The following HTT variants were observed in gnomAD, a reference collection of about 807,000 sequenced individuals.
HTT encodes huntingtin.
In HTT, 104 loss-of-function variants were observed where a neutral mutation model predicts 362.3. That is an observed-to-expected ratio of 0.29 (90% CI 0.24 to 0.34). The LOEUF (loss-of-function observed/expected upper bound fraction) is 0.34, where lower values mean the gene tolerates loss of function less well. Ranked by LOEUF, HTT falls within the 10% of genes least tolerant of loss-of-function variation. The probability of loss-of-function intolerance (pLI) is 1.00; values close to 1 mark genes in which losing one functional copy is unlikely to be tolerated. For synonymous variants in HTT, 1,577 were observed against 1,548.7 expected, an observed-to-expected ratio of 1.02 and a Z score of -0.43; for missense variants, 3,301 against 3,928.6, an observed-to-expected ratio of 0.84 and a Z score of 4.27.
At chr4:3,156,210 C>G (rs1717137712) in intron 27 of HTT, among the ~76,000 whole-genome samples, 1 of 152,124 alleles carries the variant, frequency 6.6e-6, no homozygotes, top group African/African-American at 2.4e-5. Context: ...ACCTCCGCCT[C>G]CCAGGTTCAA....
chr4:3,130,311 A>G lies in HTT; in HGVS notation c.1874A>G (p.Gln625Arg), dbSNP rs151106561. The G allele has an allele frequency of 5.7e-3, 8,968 of 1,571,242 alleles. 41 individuals are homozygous for G. The highest frequency in any genetic ancestry group is 8.0e-3 in the Middle Eastern group (47 of 5,894). ...GATTTCTCTGTTTTTAAAGCCCTTCAACAGGCACATTTATTGAAAAACATG... is the reference window on the plus strand; with the variant it reads ...GATTTCTCTGTTTTTAAAGCCCTTCGACAGGCACATTTATTGAAAAACATG... The part of the protein sequence containing the change: ...EAFRNSSMAL[Q>R]QAHLLKNMSH... Residue 625 changes from glutamine (Q) to arginine (R), a missense_variant, in exon 14 of 67, where the codon CAA becomes CGA. By Grantham distance (43) the Gln-to-Arg change is conservative (BLOSUM62 1). Transcript: ENST00000355072.
chr4:3,207,208 CT>C, intron 44 of HTT, 72 bp from the exon 45 acceptor site: 1 of 1,364,066 alleles, frequency 7.3e-7, no homozygotes, highest in South Asian at 1.2e-5. Flanking sequence ...TCAGTTCATC[CT>C]TTTTAAATGA....
chr4:3,152,500 C>A (rs1240791480), intron 26 of HTT, among the ~76,000 whole-genome samples: 1 of 152,188 alleles, frequency 6.6e-6, no homozygotes, highest in Non-Finnish European at 1.5e-5. Flanking sequence ...TCACCAGAAT[C>A]AGTTTTAGAA....
At chr4:3,152,243 C>T (rs981203758) in intron 26 of HTT, among the ~76,000 whole-genome samples, 3 of 151,868 alleles carry the variant, frequency 2.0e-5, no homozygotes, top group African/African-American at 4.8e-5. Context: ...GGATTACAGG[C>T]GCCTGCCACC....
chr4:3,231,429 C>T (rs1364900709), intron 60 of HTT, among the ~76,000 whole-genome samples: 1 of 152,190 alleles, frequency 6.6e-6, no homozygotes, highest in Non-Finnish European at 1.5e-5. Flanking sequence ...ACCTTGGCCC[C>T]ACCCTAGGCG....
At chr4:3,239,290 C>T (rs1308947967) in intron 66 of HTT, among the ~76,000 whole-genome samples, 2 of 152,178 alleles carry the variant, frequency 1.3e-5, no homozygotes, top group South Asian at 2.1e-4. Flanking sequence ...CGCCCACTCG[C>T]GGGCTCTGTG....
At chr4:3,169,407 C>T (rs1162835066) in intron 29 of HTT, among the ~76,000 whole-genome samples, 1 of 152,088 alleles carries the variant, frequency 6.6e-6, no homozygotes, top group African/African-American at 2.4e-5. Flanking sequence ...TGAATGATTG[C>T]TTAGTGTTGT....
chr4:3,084,177 C>G (rs1388760557), intron 1 of HTT, among the ~76,000 whole-genome samples: 1 of 144,648 alleles, frequency 6.9e-6, no homozygotes, highest in Non-Finnish European at 1.5e-5. Context: ...CAGGGGAATA[C>G]TTGTAATGGA....
chr4:3,208,672 A>T, intron 45 of HTT, 101 bp from the exon 46 acceptor site: 4 of 1,141,930 alleles, frequency 3.5e-6, no homozygotes, highest in Non-Finnish European at 4.8e-6. Flanking sequence ...GCATCTCCTT[A>T]GAGTGTATAT....
rs894161630 is a variant in HTT, at chr4:3,099,473, T to C, written c.468+79T>C. On this transcript the variant is annotated intron_variant, in intron 3 of 66. Coordinates refer to ENST00000355072, the MANE Select transcript of HTT (RefSeq NM_001388492.1). ...GAGAAGAAGCGATCATTGAGTGTTCTTCTGTTTTGAGTCCCTGAGGATGTC... is the reference window on the plus strand; with the variant it reads ...GAGAAGAAGCGATCATTGAGTGTTCCTCTGTTTTGAGTCCCTGAGGATGTC... 8 of 1,589,854 alleles carry C rather than the reference T, an allele frequency of 5.0e-6. No homozygotes were observed. In the Admixed American group the frequency reaches 1.2e-4, roughly 24 times the overall value.
rs202160733 is a variant in HTT at position 3,217,893 on chromosome 4, A to T, written c.7183A>T (p.Ile2395Phe). The T allele has an allele frequency of 7.6e-5, 122 of 1,612,658 alleles. No individual in the cohort carries two copies. The highest frequency in any genetic ancestry group is 1.0e-4 in the Admixed American group (6 of 59,938). Reference protein sequence around the residue: ...PAFLTPLLRNIIISLARLPLV... With the variant: ...PAFLTPLLRNFIISLARLPLV... The stretch of plus-strand genomic sequence containing the variant: ...GTTTCTCACGCCATTGCTAAGGAAC[A>T]TCATCATCAGCCTGGCCCGCCTGCC... The change falls in exon 52 of 67, where the codon ATC (isoleucine) becomes TTC (phenylalanine). Residue 2395 changes from isoleucine (I) to phenylalanine (F), a missense_variant. By Grantham distance (21) the Ile-to-Phe change is conservative. This residue lies in a region of HTT where 753 missense variants were observed against 1,021.3 expected (regional missense o/e 0.74). Coordinates refer to ENST00000355072, the MANE Select transcript of HTT (RefSeq NM_001388492.1).
At chr4:3,166,372 G>C (rs1717706651) in intron 29 of HTT, among the ~76,000 whole-genome samples, 2 of 152,310 alleles carry the variant, frequency 1.3e-5, no homozygotes, top group Admixed American at 6.5e-5. Flanking sequence ...GGCTACATGG[G>C]GGTCAGGGAC....
At position 3,238,951 on chromosome 4, in the gene HTT, C is replaced by T. The variant is rs764361253; in HGVS notation, c.9188C>T (p.Ala3063Val). Residue 3063 changes from alanine to valine, a missense_variant, in exon 66 of 67, where the codon GCG becomes GTG. Coordinates refer to ENST00000355072, the MANE Select transcript of HTT (RefSeq NM_001388492.1). ...TWSLSCFFVS[A>V]STSPWVAAIL... ...AGCCTCTCCTGCTTCTTTGTCAGCG[C>T]GTCCACCAGCCCGTGGGTCGCGGCG... The T allele has an allele frequency of 8.1e-6, 13 of 1,608,864 alleles. No individual in the cohort carries two copies. Among genetic ancestry groups the T allele is most frequent in the East Asian group, 2.2e-5 (1 of 44,798 alleles).
chr4:3,188,857 CTTTATA>C, intron 39 of HTT, 88 bp from the exon 40 acceptor site: 1 of 1,243,404 alleles, frequency 8.0e-7, no homozygotes, highest in Non-Finnish European at 1.1e-6. Flanking sequence ...TATATTTTTA[CTTTATA>C]TTTACCATAT....
chr4:3,228,571 G>A lies in HTT; in HGVS notation c.7849-44G>A. The A allele has an allele frequency of 1.3e-6, 2 of 1,515,984 alleles. No homozygotes were observed. The highest frequency in any genetic ancestry group is 1.8e-6 in the Non-Finnish European group (2 of 1,132,090). 93.9% of individuals were successfully genotyped at this position (1,515,984 alleles called of 1,614,324 possible). ...GCCACACCCACCCACCAGGAGCCTG[G>A]CACTGTGGCCGCAGCACTGAGCAGT... On this transcript the variant is annotated intron_variant, in intron 57 of 66. Transcript: ENST00000355072. This position sits in a 1 kb window ranked among gnomAD's most constrained non-coding sequence, Gnocchi z 4.3.
Position 3,238,751 on chromosome 4 carries a change from C to G in HTT, c.9055-67C>G. On this transcript the variant is annotated intron_variant, in intron 65 of 66. Coordinates refer to ENST00000355072, the MANE Select transcript of HTT (RefSeq NM_001388492.1). ...TCTGGCCCCCACCCCACCCCCGCCA[C>G]CCAGGCGCAGCAGGTGCTTCCCGTC... The G allele has an allele frequency of 4.1e-6, 5 of 1,220,128 alleles. No homozygotes were observed. In the South Asian group the frequency reaches 7.4e-5, roughly 18 times the overall value. The allele number at this position is 1,220,128 out of a possible 1,614,324, so 75.6% of individuals were successfully genotyped here.
chr4:3,115,571 G>A lies in HTT; in HGVS notation c.889+126G>A, dbSNP rs1384978548. The A allele has an allele frequency of 1.1e-5, 8 of 751,592 alleles. No individual in the cohort carries two copies. The East Asian group carries it at 2.1e-4, about 20-fold the overall frequency. The allele number at this position is 751,592 out of a possible 1,614,324, so 46.6% of individuals were successfully genotyped here. On this transcript the variant is annotated intron_variant, in intron 7 of 66. Coordinates refer to ENST00000355072, the MANE Select transcript of HTT (RefSeq NM_001388492.1). Reference sequence around the variant, plus strand: ...TATTTGGCACTGGTTGATTGAATGTGAACTGCACTGGGGCTGCTGTGAGCC... The same window carrying A: ...TATTTGGCACTGGTTGATTGAATGTAAACTGCACTGGGGCTGCTGTGAGCC...
Position 3,225,558 on chromosome 4 carries a change from T to C in HTT, c.7766-103T>C. The C allele has an allele frequency of 3.0e-6, 3 of 991,072 alleles. No homozygotes were observed. In the South Asian group the frequency reaches 4.6e-5, roughly 15 times the overall value. 61.4% of individuals were successfully genotyped at this position (991,072 alleles called of 1,614,324 possible). A position where few individuals can be genotyped will look rare whatever the true frequency, so the allele number is the denominator to read the frequency against. The stretch of plus-strand genomic sequence containing the variant: ...GCCAGTGGCGGCGAGGGCAGGTGGC[T>C]CACGGCTGGGTGCCTGTCTGGGCAG... On this transcript the variant is annotated intron_variant, in intron 56 of 66. Coordinates refer to ENST00000355072, the MANE Select transcript of HTT (RefSeq NM_001388492.1).
At chr4:3,180,915 C>T (rs1383745086) in intron 36 of HTT, 14 of 284,014 alleles carry the variant, frequency 4.9e-5, no homozygotes, top group South Asian at 1.4e-4. Context: ...CTCTCTCCGT[C>T]GCCCAGGCTG....
Sources: gnomAD v4.1 joint callset for allele counts (sites outside exome capture counted in the v4.1 genomes callset) on GRCh38, gnomAD v4.1.1 for gene constraint, gnomAD v4.1.1 regional missense constraint, Gnocchi (gnomAD v3.1) non-coding constraint, MANE v1.5 for transcripts, NCBI Gene and HGNC (gene_info 2026-07-23, HGNC 2026-07-21) for gene names.